NOB1: variants seen among roughly 807,000 people sequenced by gnomAD.
NOB1 encodes the protein RNA-binding protein NOB1.
Under a neutral mutation model 44.8 loss-of-function variants are expected in NOB1, and 44 were observed. The observed-to-expected ratio is 0.98, with a 90% CI of 0.77 to 1.26. The LOEUF is 1.26. Among genes scored for constraint, NOB1 ranks in the 50% most tolerant of loss-of-function variants. The pLI, the probability that NOB1 is intolerant of heterozygous loss-of-function variation, is 0.00. For missense variants in NOB1, 560 were observed against 544.8 expected, an observed-to-expected ratio of 1.03 and a Z score of -0.28; for synonymous variants, 238 against 218.7, an observed-to-expected ratio of 1.09 and a Z score of -0.78.
At position 69,742,242 on chromosome 16, in the gene NOB1, G is replaced by A; in HGVS notation, c.*90C>T. On this transcript the variant is annotated 3_prime_UTR_variant, in exon 9 of 9. Transcript: ENST00000268802. ...AGCCCGCCTGTTATTTCCATCGGGT[G>A]GTCCTGGAGACGACACGGCTGGGGA... 1.3e-6 allele frequency: 2 copies of A among 1,485,804 alleles called. No homozygotes were observed. The highest frequency in any genetic ancestry group is 1.8e-6 in the Non-Finnish European group (2 of 1,092,278). The allele number at this position is 1,485,804 out of a possible 1,614,324, so 92.0% of individuals were successfully genotyped here.
chr16:69,744,661 C>T (rs973044135), intron 8 of NOB1, among the ~76,000 whole-genome samples: 3 of 152,164 alleles, frequency 2.0e-5, no homozygotes, highest in African/African-American at 4.8e-5. Context: ...CTTCGTGAGC[C>T]GCTACTGTAG....
chr16:69,754,872 A>C lies in NOB1; in HGVS notation c.39T>G (p.Ala13=). The change falls in exon 1 of 9, where the codon GCT becomes GCG. Residue 13 remains alanine (A), a synonymous_variant. Coordinates refer to ENST00000268802, the MANE Select transcript of NOB1 (RefSeq NM_014062.3). ...CCTGCAGAGCCGCATGCCGCAGGAAAGCCCCAGCATCCGCCACAACGTGCT... is the reference window on the plus strand; with the variant it reads ...CCTGCAGAGCCGCATGCCGCAGGAACGCCCCAGCATCCGCCACAACGTGCT... ...PVEHVVADAG[A]FLRHAALQDI... The C allele has an allele frequency of 6.3e-7, 1 of 1,597,720 alleles. No homozygotes were observed. The highest frequency in any genetic ancestry group is 8.5e-7 in the Non-Finnish European group (1 of 1,173,188).
Position 69,742,223 on chromosome 16 carries a change from C to CCTGTTATT in NOB1, c.*101_*108dup, listed in dbSNP as rs1401378506. 1 of 1,405,824 alleles carries CCTGTTATT rather than the reference C, an allele frequency of 7.1e-7. No individual in the cohort carries two copies. Among genetic ancestry groups the CCTGTTATT allele is most frequent in the African/African-American group, 1.4e-5 (1 of 70,182 alleles). 87.1% of individuals were successfully genotyped at this position (1,405,824 alleles called of 1,614,324 possible). A position where few individuals can be genotyped will look rare whatever the true frequency, so the allele number is the denominator to read the frequency against. ...GGACAGAGCCGCACCGTGAAGCCCGCCTGTTATTTCCATCGGGTGGTCCTG... is the reference window on the plus strand; with the variant it reads ...GGACAGAGCCGCACCGTGAAGCCCGCCTGTTATTCTGTTATTTCCATCGGGTGGTCCTG... On this transcript the variant is annotated 3_prime_UTR_variant, in exon 9 of 9. Transcript: ENST00000268802.
rs755234226 is a variant in NOB1 at position 69,742,472 on chromosome 16, T to A, written c.1099A>T (p.Ile367Phe). Reference protein sequence around the residue: ...QKTNVFAPDYIAGVSPFVEND... With the variant: ...QKTNVFAPDYFAGVSPFVEND... ...TCGACAAAGGGTGACACCCCGGCGA[T>A]GTAGTCAGGGGCGAACACGTTGGTT... Residue 367 changes from isoleucine to phenylalanine, a missense_variant, in exon 9 of 9, where the codon ATC (isoleucine) becomes TTC (phenylalanine). Ile to Phe is a conservative substitution (Grantham distance 21, BLOSUM62 0). Coordinates refer to ENST00000268802, the MANE Select transcript of NOB1 (RefSeq NM_014062.3). The A allele has an allele frequency of 6.2e-7, 1 of 1,614,106 alleles. No individual in the cohort carries two copies. Among genetic ancestry groups the A allele is most frequent in the African/African-American group, 1.3e-5 (1 of 74,938 alleles).
Position 69,742,085 on chromosome 16 carries a change from C to T in NOB1, c.*247G>A, listed in dbSNP as rs1463268084. ...CCTTTCTTGAAGATTGGCTCCAGGG[C>T]GTTGTTCTTTCTGTTTTTATGCAAT... On this transcript the variant is annotated 3_prime_UTR_variant, in exon 9 of 9. Transcript: ENST00000268802. The T allele has an allele frequency of 6.5e-6, 3 of 462,966 alleles. No homozygotes were observed. The highest frequency in any genetic ancestry group is 2.0e-5 in the African/African-American group (1 of 50,700). 28.7% of individuals were successfully genotyped at this position (462,966 alleles called of 1,614,324 possible).
chr16:69,743,147 C>T (rs897033734), intron 8 of NOB1, among the ~76,000 whole-genome samples: 31 of 151,980 alleles, frequency 2.0e-4, no homozygotes, highest in African/African-American at 7.0e-4. Flanking sequence ...TGGCACAACG[C>T]GAGGCTCAAA....
intron 3 of NOB1, 152 bp downstream of exon 3, chr16:69,752,089 G>A: frequency 3.1e-6 from 2 of 651,674 alleles, no homozygotes; most frequent in Non-Finnish European, 5.2e-6. Context: ...ACTCAGGGCT[G>A]TGGATCAGTG....
At chr16:69,743,843 C>T (rs1027974778) in intron 8 of NOB1, among the ~76,000 whole-genome samples, 3 of 152,168 alleles carry the variant, frequency 2.0e-5, no homozygotes, top group Admixed American at 6.5e-5. Context: ...ACACTGGTAT[C>T]GCAGCGATGC....
rs141049487 is a variant in NOB1 at position 69,743,104 on chromosome 16, G to A, written c.970-503C>T. ...CATAAAGTTTGACAGACCAGGATCTGTCAAAAGAACACAGGCTCCCACTGG... is the reference window on the plus strand; with the variant it reads ...CATAAAGTTTGACAGACCAGGATCTATCAAAAGAACACAGGCTCCCACTGG... On this transcript the variant is annotated intron_variant, in intron 8 of 8. Transcript: ENST00000268802. Among the ~76,000 whole-genome samples, 848 of 152,268 alleles carry A rather than the reference G, an allele frequency of 5.6e-3. 7 individuals are homozygous for A. Among genetic ancestry groups the A allele is most frequent in the African/African-American group, 0.019 (786 of 41,544 alleles).
At chr16:69,744,841 G>T (rs1489207783) in intron 8 of NOB1, 32 bp downstream of exon 8, 1 of 1,606,426 alleles carries the variant, frequency 6.2e-7, no homozygotes, top group East Asian at 2.2e-5. Flanking sequence ...TCACTCTGGT[G>T]TTGGGAGGGG....
rs776513848 is a variant in NOB1, at chr16:69,754,581, C to G, written c.196+13G>C. ...CCCCAGCTTCCCGTCAACGCTAGGG[C>G]AGAGGCACTCACCCAGCCGCACGTA... On this transcript the variant is annotated intron_variant, in intron 2 of 8. Transcript: ENST00000268802. 4 of 1,613,672 alleles carry G rather than the reference C, an allele frequency of 2.5e-6. No individual in the cohort carries two copies. The highest frequency in any genetic ancestry group is 3.4e-6 in the Non-Finnish European group (4 of 1,179,964).
At chr16:69,748,403 C>T in intron 6 of NOB1, 74 bp from the exon 7 acceptor site, 4 of 1,377,054 alleles carry the variant, frequency 2.9e-6, no homozygotes, top group Non-Finnish European at 4.1e-6. Flanking sequence ...AAGGGAACTT[C>T]ACAAACCCTG....
rs377540264 is a variant in NOB1 at position 69,754,866 on chromosome 16, C to T, written c.45G>A (p.Leu15=). 233 of 1,597,406 alleles carry T rather than the reference C, an allele frequency of 1.5e-4. No homozygotes were observed. The highest frequency in any genetic ancestry group is 1.8e-4 in the Non-Finnish European group (210 of 1,172,942). Residue 15 remains leucine (L), a synonymous_variant, in exon 1 of 9, where the codon CTG becomes CTA. Transcript: ENST00000268802. ...EHVVADAGAF[L]RHAALQDIGK... is the part of the protein sequence containing the mutation. ...CCCGTACCTGCAGAGCCGCATGCCG[C>T]AGGAAAGCCCCAGCATCCGCCACAA... is the stretch of plus-strand genomic sequence containing the variant.
At chr16:69,743,202 C>T (rs2038399737) in intron 8 of NOB1, among the ~76,000 whole-genome samples, 1 of 152,118 alleles carries the variant, frequency 6.6e-6, no homozygotes, top group South Asian at 2.1e-4. Flanking sequence ...CAGAAATCCA[C>T]AAGACCACAC....
chr16:69,749,653 T>C (rs761657651), intron 3 of NOB1, 23 bp from the exon 4 acceptor site: 5 of 1,544,960 alleles, frequency 3.2e-6, no homozygotes, highest in South Asian at 1.2e-5. Flanking sequence ...AAAAAACATA[T>C]ACCTCTTGTT....
At chr16:69,747,833 T>C (rs528721837) in intron 7 of NOB1, among the ~76,000 whole-genome samples, 32 of 151,908 alleles carry the variant, frequency 2.1e-4, no homozygotes, top group Non-Finnish European at 4.0e-4. Context: ...ACACATAATG[T>C]AGGGTTCTCT....
chr16:69,745,051 A>G (rs2038418516), intron 7 of NOB1, 34 bp from the exon 8 acceptor site: 1 of 1,609,922 alleles, frequency 6.2e-7, no homozygotes, highest in South Asian at 1.1e-5. Context: ...TCTGTACCAA[A>G]GCCACAGGCA....
At chr16:69,746,341 G>A (rs2038430843) in intron 7 of NOB1, among the ~76,000 whole-genome samples, 1 of 152,244 alleles carries the variant, frequency 6.6e-6, no homozygotes, top group African/African-American at 2.4e-5. Context: ...CCACCCTAGA[G>A]TAGGTCCTCA....
rs1437015897 is a variant in NOB1, at chr16:69,748,255, G to A, written c.801C>T (p.Ile267=). Residue 267 remains isoleucine (I), a synonymous_variant, in exon 7 of 9, where the codon ATC becomes ATT. Transcript: ENST00000268802. ...GMLIREARSY[I]LRCHGCFKTT... ...ACTTGAAACAGCCATGGCAGCGCAAGATGTAGCTCCGGGCCTCACGAATCA... is the reference window on the plus strand; with the variant it reads ...ACTTGAAACAGCCATGGCAGCGCAAAATGTAGCTCCGGGCCTCACGAATCA... 13 of 1,613,768 alleles carry A rather than the reference G, an allele frequency of 8.1e-6. No individual in the cohort carries two copies. The highest frequency in any genetic ancestry group is 1.1e-5 in the Non-Finnish European group (13 of 1,179,778).
Sources: gnomAD v4.1 joint callset for allele counts (sites outside exome capture counted in the v4.1 genomes callset) on GRCh38, gnomAD v4.1.1 for gene constraint, MANE v1.5 for transcripts, NCBI Gene and HGNC (gene_info 2026-07-23, HGNC 2026-07-21) for gene names.